Variants in RIOK1 observed in about 807,000 individuals in gnomAD.
The protein encoded by RIOK1 is RIO kinase 1, also known as serine/threonine-protein kinase RIO1.
In RIOK1, 66 loss-of-function variants were observed where a neutral mutation model predicts 73.5. The ratio of observed to expected loss-of-function variants is 0.90; its 90% CI spans 0.74 to 1.10. The LOEUF (loss-of-function observed/expected upper bound fraction) is 1.10, where lower values mean the gene tolerates loss of function less well. RIOK1 is among the 50% of genes least tolerant of loss of function. RIOK1 has a pLI of 0.00. For synonymous variants in RIOK1, 224 were observed against 226.8 expected, an observed-to-expected ratio of 0.99 and a Z score of 0.11; for missense variants, 658 against 699.8, an observed-to-expected ratio of 0.94 and a Z score of 0.67.
At chr6:7,390,559 G>C (rs947391812) in intron 1 of RIOK1, among the ~76,000 whole-genome samples, 1 of 152,198 alleles carries the variant, frequency 6.6e-6, no homozygotes, top group East Asian at 1.9e-4. Context: ...ACCAAGTGGT[G>C]ACTGAATGGG....
chr6:7,409,795 CAAAAAAAAAAA>C (rs34196824), intron 12 of RIOK1, among the ~76,000 whole-genome samples: 1 of 103,144 alleles, frequency 9.7e-6, no homozygotes, highest in African/African-American at 4.1e-5. Context: ...TGTCTAAACT[CAAAAAAAAAAA>C]AAAAAAAAAC....
chr6:7,401,057 T>C lies in RIOK1; in HGVS notation c.573+7T>C. 2 of 1,529,506 alleles carry C rather than the reference T, an allele frequency of 1.3e-6. No homozygotes were observed. Among genetic ancestry groups the C allele is most frequent in the Non-Finnish European group, 1.8e-6 (2 of 1,111,722 alleles). The allele number at this position is 1,529,506 out of a possible 1,614,324, so 94.7% of individuals were successfully genotyped here. A position where few individuals can be genotyped will look rare whatever the true frequency, so the allele number is the denominator to read the frequency against. On this transcript the variant is annotated splice_region_variant and intron_variant, in intron 6 of 16. Transcript: ENST00000379834. ...CATTAGCACAGGAAAAGAAGTGAGC[T>C]CTTCTTTGGATGATTGGATATTTAA... is the stretch of plus-strand genomic sequence containing the variant.
At chr6:7,404,302 G>T (rs1267499442) in intron 9 of RIOK1, 116 bp from the exon 10 acceptor site, 4 of 1,216,728 alleles carry the variant, frequency 3.3e-6, no homozygotes. Flanking sequence ...CATTGAGACA[G>T]ATTGTCCCAC....
At chr6:7,399,746 A>T (rs760018582) in intron 5 of RIOK1, among the ~76,000 whole-genome samples, 8 of 152,248 alleles carry the variant, frequency 5.3e-5, no homozygotes, top group Non-Finnish European at 1.2e-4. Context: ...ATACTCAGCC[A>T]GCTGACTTCC....
chr6:7,406,955 C>G (rs1025850301), intron 12 of RIOK1, among the ~76,000 whole-genome samples: 1 of 152,236 alleles, frequency 6.6e-6, no homozygotes, highest in Non-Finnish European at 1.5e-5. Flanking sequence ...AGTCACCACG[C>G]CTGGCCTAGG....
In RIOK1 at chr6:7,389,859, G is replaced by A. The variant is rs1396459183; in HGVS notation, c.-144G>A. ...GTGGATCTGTCGGTCCCGTTTTCCC[G>A]TCGCACGTGGTGGCCACTGTTGGCT... is the stretch of plus-strand genomic sequence containing the variant. On this transcript the variant is annotated 5_prime_UTR_variant, in exon 1 of 17. Transcript: ENST00000379834. 1.6e-6 allele frequency: 1 copy of A among 628,308 alleles called. No homozygotes were observed. The highest frequency in any genetic ancestry group is 2.8e-6 in the Non-Finnish European group (1 of 355,976). 38.9% of individuals were successfully genotyped at this position (628,308 alleles called of 1,614,324 possible). A position where few individuals can be genotyped will look rare whatever the true frequency, so the allele number is the denominator to read the frequency against.
rs1561881162 is a variant in RIOK1 at position 7,411,314 on chromosome 6, G to C, written c.1270-18G>C. The C allele has an allele frequency of 1.9e-6, 3 of 1,612,090 alleles. No homozygotes were observed. The highest frequency in any genetic ancestry group is 2.5e-6 in the Non-Finnish European group (3 of 1,178,958). On this transcript the variant is annotated intron_variant, in intron 13 of 16. Coordinates refer to ENST00000379834, the MANE Select transcript of RIOK1 (RefSeq NM_031480.3). ...GTGTATGAATAACAGTTTTGATTTT[G>C]CTTTTCCTCTCTGTTAGGTGTTTAA... is the stretch of plus-strand genomic sequence containing the variant.
chr6:7,393,562 GC>G (rs1202535533), intron 2 of RIOK1, among the ~76,000 whole-genome samples: 1 of 152,160 alleles, frequency 6.6e-6, no homozygotes, highest in Non-Finnish European at 1.5e-5. Context: ...ATGGGAAAGG[GC>G]ATGGATTGGC....
chr6:7,407,428 A>G (rs565167488), intron 12 of RIOK1, among the ~76,000 whole-genome samples: 8 of 151,150 alleles, frequency 5.3e-5, no homozygotes, highest in Admixed American at 5.3e-4. Flanking sequence ...ATTACTAGTG[A>G]CGTTGAGCAT....
At chr6:7,416,484 T>C (rs1762003756) in intron 16 of RIOK1, among the ~76,000 whole-genome samples, 1 of 151,908 alleles carries the variant, frequency 6.6e-6, no homozygotes, top group Admixed American at 6.6e-5. Context: ...CTATCTCTAC[T>C]AAAAATACAA....
At chr6:7,412,651 C>CAA (rs35985238) in intron 14 of RIOK1, among the ~76,000 whole-genome samples, 75 of 123,432 alleles carry the variant, frequency 6.1e-4, no homozygotes, top group African/African-American at 2.2e-3. Context: ...GACTCCGTCT[C>CAA]AAAAAAAAAA....
chr6:7,396,808 G>C (rs1407566950), intron 4 of RIOK1, 36 bp downstream of exon 4: 10 of 1,125,606 alleles, frequency 8.9e-6, no homozygotes, highest in Non-Finnish European at 1.3e-5. Context: ...TGGGTGATAA[G>C]GACTAATCTA....
chr6:7,390,171 T>A, intron 1 of RIOK1, 98 bp downstream of exon 1: 2 of 988,160 alleles, frequency 2.0e-6, no homozygotes, highest in Non-Finnish European at 3.0e-6. Flanking sequence ...GGGAGACTAG[T>A]GGTTCATCAC....
intron 1 of RIOK1, 79 bp downstream of exon 1, chr6:7,390,152 C>T: frequency 8.2e-7 from 1 of 1,219,758 alleles, no homozygotes; most frequent in Non-Finnish European, 1.2e-6. Context: ...CTCTTGTTTG[C>T]GGTTTAGAGG....
intron 1 of RIOK1, among the ~76,000 whole-genome samples, chr6:7,391,767 A>G (rs1350363052): frequency 6.6e-6 from 1 of 152,202 alleles, no homozygotes; most frequent in Non-Finnish European, 1.5e-5. Flanking sequence ...AAAATCCTAC[A>G]GTGCAGAAGA....
intron 12 of RIOK1, among the ~76,000 whole-genome samples, chr6:7,407,488 T>C (rs991416358): frequency 7.6e-6 from 1 of 131,538 alleles, no homozygotes; most frequent in African/African-American, 3.4e-5. Context: ...GAGAAATGTC[T>C]TTTTTTTTTT....
intron 8 of RIOK1, among the ~76,000 whole-genome samples, chr6:7,403,584 C>T (rs1761665947): frequency 6.6e-6 from 1 of 152,116 alleles, no homozygotes; most frequent in African/African-American, 2.4e-5. Flanking sequence ...GGTGTGAGTC[C>T]AACTATTTTT....
chr6:7,410,030 G>A (rs1761849975), intron 12 of RIOK1, among the ~76,000 whole-genome samples: 1 of 152,114 alleles, frequency 6.6e-6, no homozygotes, highest in Non-Finnish European at 1.5e-5. Context: ...TTTAAGGAAT[G>A]GTTCTTTCAT....
chr6:7,402,720 G>A lies in RIOK1; in HGVS notation c.686+5G>A. 1 of 1,607,330 alleles carries A rather than the reference G, an allele frequency of 6.2e-7. No homozygotes were observed. Among genetic ancestry groups the A allele is most frequent in the Non-Finnish European group, 8.5e-7 (1 of 1,176,620 alleles). ...ATATGTAAGTGGAGAATTCAGGTAA[G>A]TTCAGATTTTTCCCTCCAGTTGGTT... On this transcript the variant is annotated splice_donor_5th_base_variant and intron_variant, in intron 7 of 16. Transcript: ENST00000379834.
Sources: allele counts gnomAD v4.1 joint callset (sites outside exome capture counted in the v4.1 genomes callset), GRCh38; gene constraint gnomAD v4.1.1; transcripts MANE v1.5; gene names NCBI Gene and HGNC (gene_info 2026-07-23, HGNC 2026-07-21).